The following NTAQ1 variants were observed in gnomAD, a reference collection of about 807,000 sequenced individuals.
The protein encoded by NTAQ1 is protein N-terminal glutamine amidohydrolase.
Under a neutral mutation model 28.2 loss-of-function variants are expected in NTAQ1, and 21 were observed. The ratio of observed to expected loss-of-function variants is 0.74; its 90% CI spans 0.53 to 1.07. The LOEUF is 1.07. Among genes scored for constraint, NTAQ1 ranks in the 50% least tolerant of loss-of-function variants. NTAQ1 has a pLI of 0.00. For missense variants in NTAQ1, 264 were observed against 256.6 expected (o/e 1.03, Z -0.20); for synonymous variants, 105 against 90.0 (o/e 1.17, Z -0.94).
At chr8:123,449,952 T>TGC (rs1173494418), downstream of NTAQ1, among the ~76,000 whole-genome samples, 2 of 42,706 alleles carry the variant, frequency 4.7e-5, 1 homozygote, top group Non-Finnish European at 9.3e-5. Context: ...TGTGTGTGCA[T>TGC]ATATATATAT....
chr8:123,471,529 C>A (rs1816041710), downstream of NTAQ1, among the ~76,000 whole-genome samples: 1 of 152,206 alleles, frequency 6.6e-6, no homozygotes, highest in South Asian at 2.1e-4. Flanking sequence ...GCTGGAGACC[C>A]AGTGGTTTAG....
downstream of NTAQ1, among the ~76,000 whole-genome samples, chr8:123,452,677 G>A (rs1218680133): frequency 2.0e-5 from 3 of 151,936 alleles, no homozygotes; most frequent in Admixed American, 6.6e-5. Context: ...CTAGGCGGGC[G>A]GATCACCTGA....
chr8:123,428,851 C>G (rs1432664298), intron 2 of NTAQ1, among the ~76,000 whole-genome samples: 1 of 152,176 alleles, frequency 6.6e-6, no homozygotes, highest in Admixed American at 6.6e-5. Context: ...ACCTGTCTGC[C>G]TTGGCCTCCC....
intron 6 of NTAQ1, among the ~76,000 whole-genome samples, chr8:123,458,962 C>T (rs1815736661): frequency 6.6e-6 from 1 of 151,936 alleles, no homozygotes; most frequent in African/African-American, 2.4e-5. Flanking sequence ...CCTGCAGTCC[C>T]AGTTACTCCG....
chr8:123,430,656 C>G (rs994187040), intron 3 of NTAQ1, among the ~76,000 whole-genome samples: 2 of 152,200 alleles, frequency 1.3e-5, no homozygotes, highest in Non-Finnish European at 2.9e-5. Context: ...TGGCACTCAC[C>G]TGTAGTCCCA....
intron 6 of NTAQ1, among the ~76,000 whole-genome samples, chr8:123,457,315 C>T (rs954320041): frequency 6.6e-6 from 1 of 152,038 alleles, no homozygotes; most frequent in Non-Finnish European, 1.5e-5. Context: ...GATCCGCCTG[C>T]CTCGGCCTCC....
intron 1 of NTAQ1, among the ~76,000 whole-genome samples, chr8:123,420,909 C>T (rs930600975): frequency 6.6e-6 from 1 of 151,696 alleles, no homozygotes; most frequent in African/African-American, 2.4e-5. Context: ...GCTTCAGCCT[C>T]CTAAGTAGCT....
At chr8:123,469,232 C>T (rs1359090176) in exon 7 of NTAQ1, among the ~76,000 whole-genome samples, 3 of 152,070 alleles carry the variant, frequency 2.0e-5, no homozygotes, top group South Asian at 2.1e-4. Flanking sequence ...TGATATAATT[C>T]CATTTGTCTA....
intron 4 of NTAQ1, 46 bp from the exon 5 acceptor site, chr8:123,437,164 A>C (rs748997572): frequency 1.2e-6 from 2 of 1,600,412 alleles, no homozygotes; most frequent in Admixed American, 1.7e-5. Context: ...TTAGAATTTC[A>C]AACATGACAT....
At chr8:123,423,355 C>G (rs931358949) in intron 1 of NTAQ1, among the ~76,000 whole-genome samples, 1 of 101,310 alleles carries the variant, frequency 9.9e-6, no homozygotes, top group African/African-American at 3.0e-5. Flanking sequence ...CCTTTCCCTC[C>G]TTTCCTTCCT....
At chr8:123,447,553 CAG>C (rs780088879) in intron 6 of NTAQ1, among the ~76,000 whole-genome samples, 1 of 151,940 alleles carries the variant, frequency 6.6e-6, no homozygotes, top group Non-Finnish European at 1.5e-5. Context: ...GAAACTGATG[CAG>C]AGAGAGGTTT....
At chr8:123,449,929 A>ATGTATGTG (rs1554657624), downstream of NTAQ1, among the ~76,000 whole-genome samples, 2 of 66,712 alleles carry the variant, frequency 3.0e-5, no homozygotes, top group African/African-American at 1.1e-4. Flanking sequence ...GTATATATAT[A>ATGTATGTG]TGTGTGTGTG....
At chr8:123,449,859 T>TTCTCTCTCTCTCTCTCTCTCTCTCTC (rs112959997), downstream of NTAQ1, among the ~76,000 whole-genome samples, 12 of 111,248 alleles carry the variant, frequency 1.1e-4, no homozygotes, top group African/African-American at 4.1e-4. Context: ...GCTCGCTGCT[T>TTCTCTCTCTCTCTCTCTCTCTCTCTC]TCTCTCTCTC....
downstream of NTAQ1, among the ~76,000 whole-genome samples, chr8:123,452,668 T>G (rs7822727): frequency 0.9 from 135,974 of 151,570 alleles, 61,193 homozygotes; most frequent in East Asian, 0.99. Flanking sequence ...TTGGGAGGCC[T>G]AGGCGGGCGG....
At chr8:123,448,898 G>T (rs183562122), downstream of NTAQ1, among the ~76,000 whole-genome samples, 1 of 152,216 alleles carries the variant, frequency 6.6e-6, no homozygotes, top group East Asian at 1.9e-4. Flanking sequence ...AGAAAAACAT[G>T]AACAGGTCCC....
chr8:123,437,035 G>A (rs1814760388), intron 4 of NTAQ1, among the ~76,000 whole-genome samples, 175 bp from the exon 5 acceptor site: 1 of 152,048 alleles, frequency 6.6e-6, no homozygotes, highest in South Asian at 2.1e-4. Flanking sequence ...TTCGGGGTTT[G>A]GTTGATCATT....
chr8:123,419,292 T>G (rs1258266528), intron 1 of NTAQ1, among the ~76,000 whole-genome samples: 1 of 151,866 alleles, frequency 6.6e-6, no homozygotes, highest in Non-Finnish European at 1.5e-5. Context: ...AGAGACGGGG[T>G]TTCACCACAT....
At chr8:123,472,274 T>C (rs1326526691), downstream of NTAQ1, among the ~76,000 whole-genome samples, 3 of 152,182 alleles carry the variant, frequency 2.0e-5, no homozygotes, top group Non-Finnish European at 4.4e-5. Context: ...GTGGGTGAAA[T>C]GGCTCATGGG....
rs1211903516 is a variant in NTAQ1 at position 123,416,959 on chromosome 8, G to A, written c.83+27G>A. The A allele has an allele frequency of 5.6e-6, 8 of 1,439,544 alleles. No individual in the cohort carries two copies. The East Asian group carries it at 2.4e-4, about 43-fold the overall frequency. 89.2% of individuals were successfully genotyped at this position (1,439,544 alleles called of 1,614,324 possible). A position where few individuals can be genotyped will look rare whatever the true frequency, so the allele number is the denominator to read the frequency against. Reference sequence around the variant, plus strand: ...TGAGGGGGCGCGGGCGCAGCCTCTGGGTCTCCCAGGCTCCCGGGCGGCGAG... The same window carrying A: ...TGAGGGGGCGCGGGCGCAGCCTCTGAGTCTCCCAGGCTCCCGGGCGGCGAG... On this transcript the variant is annotated intron_variant, in intron 1 of 5. Transcript: ENST00000287387.
Sources: allele counts gnomAD v4.1 joint callset (sites outside exome capture counted in the v4.1 genomes callset), GRCh38; gene constraint gnomAD v4.1.1; transcripts MANE v1.5; gene names NCBI Gene and HGNC (gene_info 2026-07-23, HGNC 2026-07-21).